SRSF1: variants seen among roughly 807,000 people sequenced by gnomAD.
SRSF1 encodes the protein serine/arginine-rich splicing factor 1.
A neutral mutation model predicts 25.9 loss-of-function variants in SRSF1; 1 was observed. The observed-to-expected ratio is 0.04, with a 90% CI of 0.01 to 0.18. The LOEUF (loss-of-function observed/expected upper bound fraction) is 0.18. Ranked by LOEUF, SRSF1 falls within the 10% of genes least tolerant of loss-of-function variation. SRSF1 has a pLI of 1.00. For missense variants in SRSF1, 65 were observed against 350.5 expected, an observed-to-expected ratio of 0.19 and a Z score of 6.50; for synonymous variants, 132 against 126.2, an observed-to-expected ratio of 1.05 and a Z score of -0.31.
intron 1 of SRSF1, 47 bp downstream of exon 1, chr17:58,006,897 C>T (rs776037427): frequency 3.7e-6 from 6 of 1,602,474 alleles, no homozygotes; most frequent in Admixed American, 1.7e-5. Context: ...CCTTCCCCAA[C>T]TACTCGGACC....
At position 58,006,937 on chromosome 17, in the gene SRSF1, G is replaced by T. The variant is rs752445558; in HGVS notation, c.194+7C>A. 5.6e-6 allele frequency: 9 copies of T among 1,613,946 alleles called. No homozygotes were observed. Among genetic ancestry groups the T allele is most frequent in the Non-Finnish European group, 7.6e-6 (9 of 1,179,848 alleles). On this transcript the variant is annotated splice_region_variant and intron_variant, in intron 1 of 3. Coordinates refer to ENST00000258962, the MANE Select transcript of SRSF1 (RefSeq NM_006924.5). Reference sequence around the variant, plus strand: ...TCCTCAAGGCTGCAAGCCCCATGCCGCCTCACCGCGGGTCCTCGAACTCAA... The same window carrying T: ...TCCTCAAGGCTGCAAGCCCCATGCCTCCTCACCGCGGGTCCTCGAACTCAA...
downstream of SRSF1, among the ~76,000 whole-genome samples, chr17:57,996,177 A>G (rs1409755478): frequency 2.0e-5 from 3 of 152,184 alleles, no homozygotes; most frequent in African/African-American, 4.8e-5. Context: ...GAAATGTCAA[A>G]AAGTTTAAAA....
downstream of SRSF1, among the ~76,000 whole-genome samples, chr17:58,000,226 TCAAAGCTAC>T (rs1358207062): frequency 6.6e-6 from 1 of 152,172 alleles, no homozygotes; most frequent in African/African-American, 2.4e-5. Context: ...GCATTAGCTT[TCAAAGCTAC>T]CAAGAAGCAC....
At chr17:57,999,546 A>G (rs1372513037), downstream of SRSF1, among the ~76,000 whole-genome samples, 1 of 152,214 alleles carries the variant, frequency 6.6e-6, no homozygotes, top group Non-Finnish European at 1.5e-5. Flanking sequence ...GACAAAGGTA[A>G]AGTTGCAAGA....
At chr17:57,998,733 T>C (rs576897822), downstream of SRSF1, among the ~76,000 whole-genome samples, 2 of 152,334 alleles carry the variant, frequency 1.3e-5, no homozygotes, top group East Asian at 3.9e-4. Context: ...AGTGTTACCT[T>C]AGCAGGCAGG....
At chr17:57,998,648 T>C (rs2075373664), downstream of SRSF1, among the ~76,000 whole-genome samples, 1 of 152,236 alleles carries the variant, frequency 6.6e-6, no homozygotes, top group South Asian at 2.1e-4. Context: ...GTTAGTGCCC[T>C]TTCAGCTGTC....
chr17:57,995,580 G>T, the SRSF1 span, among the ~76,000 whole-genome samples: 2 of 152,206 alleles, frequency 1.3e-5, no homozygotes, highest in African/African-American at 4.8e-5. Context: ...AGCACACAGG[G>T]TAAGAACATG....
At chr17:57,989,520 A>G in the SRSF1 span, 3 of 397,608 alleles carry the variant, frequency 7.5e-6, no homozygotes, top group African/African-American at 4.1e-5. Context: ...TCCCCCATAG[A>G]CAATAAAAAT....
the SRSF1 span, chr17:57,992,856 G>GA: frequency 3.3e-5 from 5 of 152,300 alleles, no homozygotes; most frequent in Middle Eastern, 6.8e-3. Context: ...GAGGAACAGT[G>GA]AATAATGAAA....
the SRSF1 span, among the ~76,000 whole-genome samples, chr17:57,995,758 T>C: frequency 6.6e-6 from 1 of 152,238 alleles, no homozygotes; most frequent in Non-Finnish European, 1.5e-5. Context: ...AAGATCTGGA[T>C]TCAAGTTCTG....
downstream of SRSF1, among the ~76,000 whole-genome samples, chr17:57,996,038 C>T (rs1215852036): frequency 6.6e-6 from 1 of 152,178 alleles, no homozygotes; most frequent in Admixed American, 6.5e-5. Flanking sequence ...TAAGAATATG[C>T]ATGATCTGAC....
chr17:57,998,560 A>G (rs1235543367), downstream of SRSF1, among the ~76,000 whole-genome samples: 1 of 152,188 alleles, frequency 6.6e-6, no homozygotes, highest in Non-Finnish European at 1.5e-5. Context: ...TTCAGAGTGC[A>G]TCTTCAAAAG....
chr17:57,997,011 C>T (rs942502479), downstream of SRSF1, among the ~76,000 whole-genome samples: 1 of 152,300 alleles, frequency 6.6e-6, no homozygotes, highest in East Asian at 1.9e-4. Context: ...GGCAATACCA[C>T]TAAATTCTGA....
downstream of SRSF1, among the ~76,000 whole-genome samples, chr17:57,997,462 A>C (rs375049849): frequency 6.6e-6 from 1 of 152,202 alleles, no homozygotes; most frequent in African/African-American, 2.4e-5. Flanking sequence ...GGGAAATATA[A>C]ATATATTCAG....
At chr17:57,991,064 TG>T in the SRSF1 span, 1 of 152,248 alleles carries the variant, frequency 6.6e-6, no homozygotes, top group Non-Finnish European at 1.5e-5. Flanking sequence ...CTTTGGGGCT[TG>T]GAACTCTGCA....
chr17:58,001,767 A>C lies in SRSF1; in HGVS notation c.*3639T>G, dbSNP rs150230563. ...CTGAGACTATAAATAGGAGCAGTCC[A>C]TACTTCCCATCACAGCTTTTAGCTG... is the stretch of plus-strand genomic sequence containing the variant. On this transcript the variant is annotated 3_prime_UTR_variant, in exon 4 of 4. Coordinates refer to ENST00000258962, the MANE Select transcript of SRSF1 (RefSeq NM_006924.5). Among the ~76,000 whole-genome samples, 27 of 152,314 alleles carry C rather than the reference A, an allele frequency of 1.8e-4. 1 individual carries two copies. The East Asian group carries it at 5.0e-3, about 28-fold the overall frequency.
chr17:57,995,967 CCT>C (rs2075363045), downstream of SRSF1, among the ~76,000 whole-genome samples: 1 of 151,944 alleles, frequency 6.6e-6, no homozygotes, highest in African/African-American at 2.4e-5. Flanking sequence ...AGAGCAAGAC[CCT>C]GTCTCTACAA....
At position 58,001,384 on chromosome 17, in the gene SRSF1, T is replaced by C. The variant is rs376814122; in HGVS notation, c.*4022A>G. ...TTAGGAAAAATCATTTTACGGGGAATCTATTCATATTCCAAACAGCATTTT... is the reference window on the plus strand; with the variant it reads ...TTAGGAAAAATCATTTTACGGGGAACCTATTCATATTCCAAACAGCATTTT... On this transcript the variant is annotated 3_prime_UTR_variant, in exon 4 of 4. Transcript: ENST00000258962. 2.0e-5 allele frequency among the ~76,000 whole-genome samples: 3 copies of C among 152,180 alleles called. No homozygotes were observed. Among genetic ancestry groups the C allele is most frequent in the African/African-American group, 7.2e-5 (3 of 41,458 alleles).
Position 58,006,293 on chromosome 17 carries a change from T to G in SRSF1, c.379+50A>C. 4 of 1,541,586 alleles carry G rather than the reference T, an allele frequency of 2.6e-6. 1 individual carries two copies. The highest frequency in any genetic ancestry group is 1.7e-4 in the Middle Eastern group (1 of 5,722). On this transcript the variant is annotated intron_variant, in intron 2 of 3. Transcript: ENST00000258962. ...AAACCTGTCACGCAAGAGAAAAATTTTAGGTAGTTTTCGTCCCTTCACATC... is the reference window on the plus strand; with the variant it reads ...AAACCTGTCACGCAAGAGAAAAATTGTAGGTAGTTTTCGTCCCTTCACATC...
Sources: gnomAD v4.1 joint callset for allele counts (sites outside exome capture counted in the v4.1 genomes callset) on GRCh38, gnomAD v4.1.1 for gene constraint, MANE v1.5 for transcripts, NCBI Gene and HGNC (gene_info 2026-07-23, HGNC 2026-07-21) for gene names.